Variants in CALCOCO2 observed in about 807,000 individuals in gnomAD.
CALCOCO2 encodes the protein calcium-binding and coiled-coil domain-containing protein 2.
A neutral mutation model predicts 62.5 loss-of-function variants in CALCOCO2; 42 were observed. The ratio of observed to expected loss-of-function variants is 0.67; its 90% CI spans 0.53 to 0.87. The LOEUF is 0.87. CALCOCO2 is among the 40% of genes least tolerant of loss of function. The pLI is 0.00. For missense variants in CALCOCO2, 456 were observed against 515.0 expected, an observed-to-expected ratio of 0.89 and a Z score of 1.11; for synonymous variants, 167 against 173.0, an observed-to-expected ratio of 0.97 and a Z score of 0.27.
chr17:48,853,797 T>G (rs2040165810), intron 9 of CALCOCO2, among the ~76,000 whole-genome samples: 1 of 152,240 alleles, frequency 6.6e-6, no homozygotes, highest in Non-Finnish European at 1.5e-5. Context: ...ATTTCCAACT[T>G]CCTTTGGGAA....
chr17:48,862,380 C>T, intron 12 of CALCOCO2, 76 bp downstream of exon 12: 1 of 984,484 alleles, frequency 1.0e-6, no homozygotes, highest in Non-Finnish European at 1.6e-6. Context: ...CATGGGAGAA[C>T]CATAGGGAGA....
intron 2 of CALCOCO2, among the ~76,000 whole-genome samples, chr17:48,845,791 G>A (rs985677166): frequency 6.6e-6 from 1 of 151,570 alleles, no homozygotes; most frequent in Admixed American, 6.6e-5. Context: ...GCCCCCTGAG[G>A]TGGGTAGTAG....
intron 10 of CALCOCO2, among the ~76,000 whole-genome samples, chr17:48,858,015 A>C (rs1410997599): frequency 3.9e-4 from 6 of 15,454 alleles, no homozygotes; most frequent in South Asian, 6.1e-3. Context: ...AATAGAATAG[A>C]ATAGAATAGA....
intron 10 of CALCOCO2, among the ~76,000 whole-genome samples, chr17:48,856,838 C>T (rs2040223408): frequency 6.6e-6 from 1 of 151,060 alleles, no homozygotes; most frequent in Non-Finnish European, 1.5e-5. Context: ...CACTCTGTCA[C>T]CCAGGCTTGG....
intron 2 of CALCOCO2, among the ~76,000 whole-genome samples, chr17:48,845,031 G>A (rs1248456803): frequency 6.6e-6 from 1 of 152,028 alleles, no homozygotes; most frequent in African/African-American, 2.4e-5. Flanking sequence ...AGCTACTCAG[G>A]AGGCTGAGGC....
At chr17:48,846,964 C>T (rs1199420245) in intron 2 of CALCOCO2, among the ~76,000 whole-genome samples, 2 of 152,164 alleles carry the variant, frequency 1.3e-5, no homozygotes, top group African/African-American at 4.8e-5. Flanking sequence ...TTACCCCCTT[C>T]ACATTTGTGA....
chr17:48,841,824 A>G lies in CALCOCO2; in HGVS notation c.117A>G (p.Thr39=), dbSNP rs552522249. Residue 39 remains threonine, a synonymous_variant, in exon 2 of 13, where the codon ACA becomes ACG. Coordinates refer to ENST00000258947, the MANE Select transcript of CALCOCO2 (RefSeq NM_005831.5). ...EKFYIPGGDV[T]CHYTFTQHFI... ...TCTACATCCCTGGAGGGGACGTCAC[A>G]TGTCATTATACCTTCACCCAGCATT... 6.2e-7 allele frequency: 1 copy of G among 1,613,774 alleles called. No individual in the cohort carries two copies. The highest frequency in any genetic ancestry group is 1.3e-5 in the African/African-American group (1 of 75,016).
intron 2 of CALCOCO2, chr17:48,845,966 T>C: frequency 1.5e-6 from 1 of 668,890 alleles, no homozygotes; most frequent in Non-Finnish European, 2.5e-6. Flanking sequence ...AATTAGAGAA[T>C]GAAGAGTTGG....
chr17:48,856,337 C>A, intron 10 of CALCOCO2, 150 bp downstream of exon 10: 1 of 556,208 alleles, frequency 1.8e-6, no homozygotes. Flanking sequence ...TAAATTTAAT[C>A]TAATTTCCTA....
At chr17:48,837,644 T>TA (rs1274974476) in intron 1 of CALCOCO2, among the ~76,000 whole-genome samples, 58 of 145,200 alleles carry the variant, frequency 4.0e-4, no homozygotes, top group South Asian at 4.3e-4. Context: ...AAACTCTGTC[T>TA]AAAAAAAAAA....
chr17:48,840,313 T>C (rs1278011095), intron 1 of CALCOCO2, among the ~76,000 whole-genome samples: 2 of 151,980 alleles, frequency 1.3e-5, no homozygotes, highest in African/African-American at 2.4e-5. Context: ...TAGTTTTCTG[T>C]AGAGATGGGG....
chr17:48,846,421 C>T lies in CALCOCO2; in HGVS notation c.181-1643C>T, dbSNP rs1598032717. The T allele has an allele frequency of 6.3e-6, 7 of 1,118,894 alleles. No homozygotes were observed. In the East Asian group the frequency reaches 1.8e-4, roughly 29 times the overall value. The allele number at this position is 1,118,894 out of a possible 1,614,324, so 69.3% of individuals were successfully genotyped here. On this transcript the variant is annotated intron_variant, in intron 2 of 12. Transcript: ENST00000258947. The stretch of plus-strand genomic sequence containing the variant: ...CCTTCCCTCAGTGTATAATCCTATG[C>T]TTCATACTCTCCTTGACTTAGGCAT...
chr17:48,843,280 T>C (rs901861785), intron 2 of CALCOCO2, among the ~76,000 whole-genome samples: 2 of 152,196 alleles, frequency 1.3e-5, no homozygotes, highest in South Asian at 2.1e-4. Context: ...TTCCCTCTTA[T>C]ACATCTCACA....
At chr17:48,854,414 T>A (rs2040181629) in intron 9 of CALCOCO2, among the ~76,000 whole-genome samples, 1 of 32,924 alleles carries the variant, frequency 3.0e-5, no homozygotes, top group Admixed American at 3.8e-4. Context: ...TTTTTTTTTT[T>A]TTTTTTTTTT....
At chr17:48,832,343 G>C (rs574559122) in intron 1 of CALCOCO2, among the ~76,000 whole-genome samples, 9 of 152,234 alleles carry the variant, frequency 5.9e-5, no homozygotes, top group Non-Finnish European at 1.0e-4. Context: ...GCGGTGAGCC[G>C]AGATGGCGCC....
At chr17:48,855,925 A>G in intron 9 of CALCOCO2, 167 bp from the exon 10 acceptor site, 1 of 364,302 alleles carries the variant, frequency 2.7e-6, no homozygotes, top group Non-Finnish European at 4.9e-6. Context: ...TGTCTTTTTA[A>G]GTCACTTTAA....
intron 10 of CALCOCO2, 85 bp from the exon 11 acceptor site, chr17:48,860,229 A>C (rs890092980): frequency 2.0e-6 from 2 of 1,021,304 alleles, no homozygotes; most frequent in Admixed American, 2.0e-5. Context: ...ATTGAGAACT[A>C]CCTGGGAGGG....
At chr17:48,837,270 C>T (rs1273737609) in intron 1 of CALCOCO2, among the ~76,000 whole-genome samples, 1 of 152,116 alleles carries the variant, frequency 6.6e-6, no homozygotes, top group East Asian at 1.9e-4. Flanking sequence ...CCAAGAGAAA[C>T]CCTCATTGTA....
chr17:48,858,034 G>GAATAGAATAGAA (rs778271078), intron 10 of CALCOCO2, among the ~76,000 whole-genome samples: 3 of 24,432 alleles, frequency 1.2e-4, no homozygotes, highest in African/African-American at 2.6e-4. Context: ...GAATAGAATA[G>GAATAGAATAGAA]AATAGAATAG....
Sources: allele counts gnomAD v4.1 joint callset (sites outside exome capture counted in the v4.1 genomes callset), GRCh38; gene constraint gnomAD v4.1.1; transcripts MANE v1.5; gene names NCBI Gene and HGNC (gene_info 2026-07-23, HGNC 2026-07-21).